CFAP46: variants seen among roughly 807,000 people sequenced by gnomAD.
The protein encoded by CFAP46 is cilia- and flagella-associated protein 46.
A neutral mutation model predicts 325.7 loss-of-function variants in CFAP46; 245 were observed. That is an observed-to-expected ratio of 0.75 (90% CI 0.68 to 0.84). The LOEUF is 0.84. Among genes scored for constraint, CFAP46 ranks in the 40% least tolerant of loss-of-function variants. The probability of loss-of-function intolerance (pLI) is 0.00; values close to 1 mark genes in which losing one functional copy is unlikely to be tolerated. For missense variants in CFAP46, 3,346 were observed against 3,543.0 expected, an observed-to-expected ratio of 0.94 and a Z score of 1.41; for synonymous variants, 1,523 against 1,495.9, an observed-to-expected ratio of 1.02 and a Z score of -0.42.
At position 132,935,669 on chromosome 10, in the gene CFAP46, A is replaced by T. The variant is rs372012648; in HGVS notation, c.756-807T>A. 2.4e-3 allele frequency among the ~76,000 whole-genome samples: 170 copies of T among 70,276 alleles called. 1 individual carries two copies. Among genetic ancestry groups the T allele is most frequent in the Middle Eastern group, 0.012 (1 of 82 alleles). The allele number at this position is 70,276 out of a possible 152,430, so 46.1% of individuals were successfully genotyped here. ...CTCCCCTCAGCACCCAAACACACTG[A>T]GATCTCCTCACTCCCCTCACATCCA... On this transcript the variant is annotated intron_variant, in intron 7 of 57. Transcript: ENST00000368586.
At chr10:132,934,015 C>T (rs549546819) in intron 8 of CFAP46, among the ~76,000 whole-genome samples, 11 of 152,314 alleles carry the variant, frequency 7.2e-5, no homozygotes, top group South Asian at 2.1e-4. Context: ...GTACCTGAAC[C>T]GCAGACACGG....
intron 6 of CFAP46, chr10:132,937,290 A>G (rs892286056): frequency 3.5e-5 from 19 of 542,710 alleles, no homozygotes; most frequent in Middle Eastern, 4.8e-4. Flanking sequence ...AAAAATTCAA[A>G]GCTATTACAA....
At chr10:132,843,570 A>G (rs1164579875) in intron 44 of CFAP46, among the ~76,000 whole-genome samples, 347 of 49,924 alleles carry the variant, frequency 7.0e-3, no homozygotes, top group Middle Eastern at 0.038. Context: ...CCAGGGTGCC[A>G]TGGGGCTCTG....
rs746752072 is a variant in CFAP46 at position 132,892,404 on chromosome 10, G to A, written c.3233C>T (p.Thr1078Met). 3.2e-5 allele frequency: 50 copies of A among 1,550,716 alleles called. No individual in the cohort carries two copies. The highest frequency in any genetic ancestry group is 3.7e-5 in the Non-Finnish European group (43 of 1,147,058). Residue 1078 changes from threonine (T) to methionine (M), a missense_variant, in exon 25 of 58, where the codon ACG (threonine) becomes ATG (methionine). Thr to Met is a moderately conservative substitution (Grantham distance 81). Coordinates refer to ENST00000368586, the MANE Select transcript of CFAP46 (RefSeq NM_001200049.3). ...CGTGGGCCACTGGTGCAGAAGCAGC[G>A]TCTTTCCTTTCTCCTAAAGTAACGC... ...TEARKQEKGK[T>M]LLLHQWPTAD...
chr10:132,891,565 C>T lies in CFAP46; in HGVS notation c.3304+768G>A, dbSNP rs1015329220. Among the ~76,000 whole-genome samples, 44 of 152,228 alleles carry T rather than the reference C, an allele frequency of 2.9e-4. 1 individual carries two copies. The highest frequency in any genetic ancestry group is 1.6e-3 in the Admixed American group (24 of 15,288). On this transcript the variant is annotated intron_variant, in intron 25 of 57. Coordinates refer to ENST00000368586, the MANE Select transcript of CFAP46 (RefSeq NM_001200049.3). ...CTTTCTCTGACATATTTTGAAGGGG[C>T]CCGCACAGCTGTCTCTTGTGGGGAA...
intron 33 of CFAP46, 134 bp from the exon 34 acceptor site, chr10:132,867,641 A>C: frequency 1.6e-6 from 2 of 1,223,650 alleles, no homozygotes; most frequent in Non-Finnish European, 2.2e-6. Flanking sequence ...AGATTTTTAA[A>C]AATCCTCAGG....
At chr10:132,868,948 G>A (rs1370734246) in intron 33 of CFAP46, among the ~76,000 whole-genome samples, 4 of 152,218 alleles carry the variant, frequency 2.6e-5, no homozygotes, top group East Asian at 1.9e-4. Context: ...TGGCCTGACC[G>A]AGCACTGCCT....
intron 33 of CFAP46, among the ~76,000 whole-genome samples, chr10:132,867,882 C>T (rs1564784893): frequency 6.6e-6 from 1 of 152,220 alleles, no homozygotes; most frequent in Non-Finnish European, 1.5e-5. Flanking sequence ...CCCCGCTCGG[C>T]CTTCCCACGG....
At chr10:132,926,442 C>T (rs566439693) in intron 10 of CFAP46, 126 bp downstream of exon 10, 10 of 692,360 alleles carry the variant, frequency 1.4e-5, no homozygotes, top group East Asian at 5.4e-5. Flanking sequence ...GGAGCCAGGG[C>T]GAGTCTAGCA....
At chr10:132,938,809 T>A (rs1189485560) in intron 4 of CFAP46, 56 bp from the exon 5 acceptor site, 3 of 1,557,236 alleles carry the variant, frequency 1.9e-6, no homozygotes, top group Non-Finnish European at 1.7e-6. Context: ...CGGCCCAAGC[T>A]GCAGAACCAA....
chr10:132,853,666 T>C (rs4880447), intron 39 of CFAP46, among the ~76,000 whole-genome samples: 104,292 of 152,116 alleles, frequency 0.69, 36,784 homozygotes, highest in African/African-American at 0.84. Flanking sequence ...TGTGAGAATG[T>C]TTTTAATTAC....
chr10:132,837,103 G>C (rs1400988853), intron 44 of CFAP46, 189 bp from the exon 45 acceptor site: 1 of 544,482 alleles, frequency 1.8e-6, no homozygotes, highest in Non-Finnish European at 3.3e-6. Context: ...CCAGGGGGCA[G>C]CAGAGGCACG....
rs538715266 is a variant in CFAP46, at chr10:132,887,919, TCTC to T, written c.3305-1963_3305-1961del. ...CTCTTCTCTCCTCTCCCTTCTTCTC[TCTC>T]CTCTCCTCTCTCCTCTTTCACCTCT... On this transcript the variant is annotated intron_variant, in intron 25 of 57. Transcript: ENST00000368586. Among the ~76,000 whole-genome samples the T allele has an allele frequency of 3.1e-4, 20 of 63,910 alleles. 1 individual carries two copies. In the South Asian group the frequency reaches 0.014, roughly 45 times the overall value. The allele number at this position is 63,910 out of a possible 152,430, so 41.9% of individuals were successfully genotyped here. A position where few individuals can be genotyped will look rare whatever the true frequency, so the allele number is the denominator to read the frequency against.
At chr10:132,816,322 C>G (rs1050031746) in intron 50 of CFAP46, among the ~76,000 whole-genome samples, 2 of 145,178 alleles carry the variant, frequency 1.4e-5, no homozygotes, top group Non-Finnish European at 3.0e-5. Flanking sequence ...CTTGCTCTGA[C>G]TTCTTCTTTT....
At chr10:132,825,534 T>C (rs1207481304) in intron 50 of CFAP46, among the ~76,000 whole-genome samples, 2 of 152,200 alleles carry the variant, frequency 1.3e-5, no homozygotes, top group East Asian at 1.9e-4. Flanking sequence ...ATGTTAGGCA[T>C]GTACAGCTTC....
rs1228023251 is a variant in CFAP46 at position 132,821,808 on chromosome 10, GTGC to G, written c.7118-6897_7118-6895del. Among the ~76,000 whole-genome samples, 4 of 143,478 alleles carry G rather than the reference GTGC, an allele frequency of 2.8e-5. 1 individual carries two copies. The highest frequency in any genetic ancestry group is 6.0e-5 in the Non-Finnish European group (4 of 66,462). The allele number at this position is 143,478 out of a possible 152,430, so 94.1% of individuals were successfully genotyped here. On this transcript the variant is annotated intron_variant, in intron 50 of 57. Coordinates refer to ENST00000368586, the MANE Select transcript of CFAP46 (RefSeq NM_001200049.3). ...CTGATGTGTGCTGTGTGTTGTGTGAGTGCTGATGTGTGCTGTCTGTGCGCTGTG... is the reference window on the plus strand; with the variant it reads ...CTGATGTGTGCTGTGTGTTGTGTGAGTGATGTGTGCTGTCTGTGCGCTGTG...
chr10:132,885,763 TG>T (rs1273707045), intron 26 of CFAP46, 57 bp downstream of exon 26: 24 of 1,336,930 alleles, frequency 1.8e-5, no homozygotes, highest in Middle Eastern at 2.6e-4. Flanking sequence ...TCACAGGCGG[TG>T]GGGGGAGCAC....
At chr10:132,878,834 C>T (rs1308979231) in intron 29 of CFAP46, among the ~76,000 whole-genome samples, 1 of 152,218 alleles carries the variant, frequency 6.6e-6, no homozygotes, top group Non-Finnish European at 1.5e-5. Flanking sequence ...GAAAGGCCTG[C>T]CATGCCTGGC....
chr10:132,834,869 G>A, intron 47 of CFAP46, 94 bp from the exon 48 acceptor site: 1 of 1,460,190 alleles, frequency 6.8e-7, no homozygotes, highest in African/African-American at 1.4e-5. Context: ...CCGAGCTCCT[G>A]CCCCTTCTGC....
Sources: gnomAD v4.1 joint callset for allele counts (sites outside exome capture counted in the v4.1 genomes callset) on GRCh38, gnomAD v4.1.1 for gene constraint, MANE v1.5 for transcripts, NCBI Gene and HGNC (gene_info 2026-07-23, HGNC 2026-07-21) for gene names.